The following CRISP3 variants were observed in gnomAD, a reference collection of about 807,000 sequenced individuals.
CRISP3 encodes the protein cysteine-rich secretory protein 3.
CRISP3 carries 33 observed loss-of-function variants against 36.1 expected under a neutral mutation model. The ratio of observed to expected loss-of-function variants is 0.91; its 90% CI spans 0.69 to 1.22. CRISP3 has a LOEUF of 1.22. Ranked by LOEUF, CRISP3 falls within the 50% of genes most tolerant of loss-of-function variation. The pLI, the probability that CRISP3 is intolerant of heterozygous loss-of-function variation, is 0.00. For missense variants in CRISP3, 330 were observed against 301.2 expected (o/e 1.10, Z -0.71); for synonymous variants, 117 against 104.6 (o/e 1.12, Z -0.72).
intron 1 of CRISP3, among the ~76,000 whole-genome samples, chr6:49,741,602 CT>C (rs1561910891): frequency 6.9e-6 from 1 of 145,180 alleles, no homozygotes; most frequent in Non-Finnish European, 1.5e-5. Flanking sequence ...AATTCAACCC[CT>C]GTATGTAGTT....
chr6:49,735,393 G>T (rs1479177094), intron 4 of CRISP3, 111 bp downstream of exon 4: 2 of 746,430 alleles, frequency 2.7e-6, no homozygotes, highest in Non-Finnish European at 4.5e-6. Context: ...TATTGAAAAA[G>T]GTAGCATTAG....
chr6:49,737,256 T>C lies in CRISP3; in HGVS notation c.111+69A>G, dbSNP rs950251424. 9.9e-6 allele frequency: 12 copies of C among 1,215,454 alleles called. No individual in the cohort carries two copies. The African/African-American group carries it at 1.6e-4, about 17-fold the overall frequency. 75.3% of individuals were successfully genotyped at this position (1,215,454 alleles called of 1,614,324 possible). On this transcript the variant is annotated intron_variant, in intron 2 of 7. Coordinates refer to ENST00000263045, the MANE Select transcript of CRISP3 (RefSeq NM_006061.4). ...CTCTAGACCTTTTCACTTTTGAAGA[T>C]TGATCTAGTAGCTTGCCATCCCTCA...
intron 1 of CRISP3, among the ~76,000 whole-genome samples, chr6:49,740,312 A>C (rs559301575): frequency 6.6e-6 from 1 of 152,346 alleles, no homozygotes; most frequent in African/African-American, 2.4e-5. Context: ...TGTGGAAATA[A>C]GGATTTGCAA....
intron 6 of CRISP3, among the ~76,000 whole-genome samples, 165 bp downstream of exon 6, chr6:49,733,030 A>G (rs1582191036): frequency 6.6e-6 from 1 of 152,204 alleles, no homozygotes; most frequent in African/African-American, 2.4e-5. Context: ...TGGAACTGAA[A>G]ACTTTATCTT....
chr6:49,734,864 T>C (rs1466987032), intron 4 of CRISP3, among the ~76,000 whole-genome samples: 1 of 152,134 alleles, frequency 6.6e-6, no homozygotes, highest in Non-Finnish European at 1.5e-5. Flanking sequence ...TATCTAATTG[T>C]TTTTATATTT....
At position 49,736,496 on chromosome 6, in the gene CRISP3, A is replaced by G. The variant is rs1769056272; in HGVS notation, c.123T>C (p.Phe41=). 1 of 1,610,538 alleles carries G rather than the reference A, an allele frequency of 6.2e-7. No individual in the cohort carries two copies. Among genetic ancestry groups the G allele is most frequent in the African/African-American group, 1.3e-5 (1 of 74,850 alleles). The change falls in exon 3 of 8, where the codon TTT becomes TTC. Residue 41 remains phenylalanine (F), a synonymous_variant. Coordinates refer to ENST00000263045, the MANE Select transcript of CRISP3 (RefSeq NM_006061.4). ...FPANEDKDPA[F]TALLTTQTQV... ...GTGTTTGGGTGGTTAACAAAGCAGT[A>G]AAAGCGGGATCCTAAGGGAAAATAA...
intron 2 of CRISP3, among the ~76,000 whole-genome samples, chr6:49,736,913 G>A (rs573210900): frequency 2.4e-4 from 36 of 152,218 alleles, no homozygotes; most frequent in African/African-American, 7.9e-4. Context: ...AAGACTCTAG[G>A]GGGAATTTCT....
At chr6:49,735,738 T>C (rs989040879) in intron 3 of CRISP3, 147 bp from the exon 4 acceptor site, 2 of 552,312 alleles carry the variant, frequency 3.6e-6, no homozygotes, top group African/African-American at 3.9e-5. Context: ...CAAATGTATA[T>C]ATTTTTTATG....
chr6:49,735,678 TA>T, intron 3 of CRISP3, 87 bp from the exon 4 acceptor site: 1 of 886,566 alleles, frequency 1.1e-6, no homozygotes, highest in Non-Finnish European at 1.7e-6. Context: ...TAGGTTGATT[TA>T]CATCATCATA....
chr6:49,743,750 A>G lies in CRISP3; in HGVS notation c.37+581T>C, dbSNP rs192232400. Among the ~76,000 whole-genome samples the G allele has an allele frequency of 9.9e-5, 15 of 152,106 alleles. No individual in the cohort carries two copies. In the East Asian group the frequency reaches 2.9e-3, roughly 29 times the overall value. On this transcript the variant is annotated intron_variant, in intron 1 of 7. Transcript: ENST00000263045. ...TACCTACATAAACATGACTGAGTAG[A>G]CTGACTTTTGACTGAAAAACTTCTA...
rs529967405 is a variant in CRISP3 at position 49,731,109 on chromosome 6, G to A, written c.649+54C>T. 11 of 1,277,556 alleles carry A rather than the reference G, an allele frequency of 8.6e-6. No homozygotes were observed. In the African/African-American group the frequency reaches 1.5e-4, roughly 17 times the overall value. The allele number at this position is 1,277,556 out of a possible 1,614,324, so 79.1% of individuals were successfully genotyped here. A position where few individuals can be genotyped will look rare whatever the true frequency, so the allele number is the denominator to read the frequency against. On this transcript the variant is annotated intron_variant, in intron 7 of 7. Transcript: ENST00000263045. ...TTGTCTTCAGATTTCCCAATTCTTA[G>A]AAGAAATGTCAGATCATTTTATTTT...
intron 5 of CRISP3, 81 bp downstream of exon 5, chr6:49,733,622 C>G (rs555116691): frequency 1.4e-6 from 2 of 1,420,560 alleles, no homozygotes; most frequent in African/African-American, 2.8e-5. Flanking sequence ...CCAAATTCAA[C>G]TTGGAATCAG....
rs1768802728 is a variant in CRISP3 at position 49,727,758 on chromosome 6, A to C, written c.*972T>G. The stretch of plus-strand genomic sequence containing the variant: ...AAAATACCCCAGGGATATTTTGTAG[A>C]ATGTCCTTCAACTTGAGTTTGCTGG... On this transcript the variant is annotated 3_prime_UTR_variant, in exon 8 of 8. Coordinates refer to ENST00000263045, the MANE Select transcript of CRISP3 (RefSeq NM_006061.4). 1 of 152,144 alleles carries C rather than the reference A, an allele frequency of 6.6e-6. No individual in the cohort carries two copies. The highest frequency in any genetic ancestry group is 2.4e-5 in the African/African-American group (1 of 41,450). 9.4% of individuals were successfully genotyped at this position (152,144 alleles called of 1,614,324 possible). A position where few individuals can be genotyped will look rare whatever the true frequency, so the allele number is the denominator to read the frequency against.
In CRISP3 at chr6:49,735,544, C is replaced by G; in HGVS notation, c.276G>C (p.Gln92His). The change falls in exon 4 of 8, where the codon CAG (glutamine) becomes CAC (histidine). Residue 92 changes from glutamine to histidine, a missense_variant. By Grantham distance (24) the Gln-to-His change is conservative. Coordinates refer to ENST00000263045, the MANE Select transcript of CRISP3 (RefSeq NM_006061.4). ...AAANAQKWAN[Q>H]CNYRHSNPKD... ...TTGGGTTACTGTGTCTGTAATTGCA[C>G]TGGTTTGCCCACTTTTGGGCATTTG... 3.1e-6 allele frequency: 5 copies of G among 1,612,588 alleles called. No homozygotes were observed. The highest frequency in any genetic ancestry group is 4.2e-6 in the Non-Finnish European group (5 of 1,179,174).
intron 1 of CRISP3, among the ~76,000 whole-genome samples, chr6:49,742,208 T>C (rs1307653712): frequency 6.6e-6 from 1 of 152,108 alleles, no homozygotes; most frequent in Admixed American, 6.5e-5. Flanking sequence ...CTGAATAAAT[T>C]GAGAGTTTTG....
chr6:49,728,963 A>T lies in CRISP3; in HGVS notation c.650-106T>A, dbSNP rs1040593703. The T allele has an allele frequency of 1.2e-5, 13 of 1,072,810 alleles. No individual in the cohort carries two copies. In the Admixed American group the frequency reaches 2.2e-4, roughly 18 times the overall value. 66.5% of individuals were successfully genotyped at this position (1,072,810 alleles called of 1,614,324 possible). ...ACGGAGAGTAGGGAAGTGAGCAAAC[A>T]AGTTGAGATTATTACACTAAGATGG... is the stretch of plus-strand genomic sequence containing the variant. On this transcript the variant is annotated intron_variant, in intron 7 of 7. Transcript: ENST00000263045.
intron 1 of CRISP3, among the ~76,000 whole-genome samples, chr6:49,743,257 A>G (rs13190702): frequency 0.23 from 35,155 of 152,042 alleles, 4,433 homozygotes; most frequent in Middle Eastern, 0.29. Context: ...CAATTATCAG[A>G]TTTACATTAC....
chr6:49,736,942 T>A (rs1769068369), intron 2 of CRISP3, among the ~76,000 whole-genome samples: 1 of 152,168 alleles, frequency 6.6e-6, no homozygotes, highest in African/African-American at 2.4e-5. Flanking sequence ...TGGTGTCTGG[T>A]ATTTAGAAAA....
chr6:49,736,122 GA>G (rs1241184680), intron 3 of CRISP3, among the ~76,000 whole-genome samples: 3 of 152,086 alleles, frequency 2.0e-5, no homozygotes, highest in Non-Finnish European at 4.4e-5. Flanking sequence ...ATAAGGAGCA[GA>G]AAAACATAAT....
Sources: allele counts gnomAD v4.1 joint callset (sites outside exome capture counted in the v4.1 genomes callset), GRCh38; gene constraint gnomAD v4.1.1; transcripts MANE v1.5; gene names NCBI Gene and HGNC (gene_info 2026-07-23, HGNC 2026-07-21).